ALDH18A1: variants seen among roughly 807,000 people sequenced by gnomAD.
ALDH18A1 encodes aldehyde dehydrogenase 18 family member A1.
In ALDH18A1, 44 loss-of-function variants were observed where a neutral mutation model predicts 88.8. The ratio of observed to expected loss-of-function variants is 0.50; its 90% CI spans 0.39 to 0.64. The LOEUF (loss-of-function observed/expected upper bound fraction) is 0.64. ALDH18A1 is among the 30% of genes least tolerant of loss of function. ALDH18A1 has a pLI of 0.00. For missense variants in ALDH18A1, 782 were observed against 1,009.5 expected (o/e 0.77, Z 3.05); for synonymous variants, 331 against 372.1 (o/e 0.89, Z 1.27).
At position 95,613,436 on chromosome 10, in the gene ALDH18A1, G is replaced by GA. The variant is rs201936822; in HGVS notation, c.1923+305_1923+306insT. The stretch of plus-strand genomic sequence containing the variant: ...AATAATATATGCTTGGGAACACCTT[G>GA]CATATATAAGGTTGCCAGAAACAGT... On this transcript the variant is annotated intron_variant, in intron 15 of 17. Coordinates refer to ENST00000371224, the MANE Select transcript of ALDH18A1 (RefSeq NM_002860.4). 0.42 allele frequency among the ~76,000 whole-genome samples: 63,832 copies of GA among 152,056 alleles called. 15,282 individuals are homozygous for GA. Among genetic ancestry groups the GA allele is most frequent in the Non-Finnish European group, 0.54 (36,488 of 67,920 alleles).
At position 95,627,449 on chromosome 10, in the gene ALDH18A1, C is replaced by T; in HGVS notation, c.1071G>A (p.Lys357=). 10 of 1,614,148 alleles carry T rather than the reference C, an allele frequency of 6.2e-6. No homozygotes were observed. Among genetic ancestry groups the T allele is most frequent in the Non-Finnish European group, 8.5e-6 (10 of 1,179,984 alleles). ...TTATGAAGAACTATTTACCTGCAGG[C>T]TTTACTTCTGAAAAGAAGGTACCAA... ...KKVGTFFSEV[K]PAGPTVEQQG... Residue 357 remains lysine, a synonymous_variant, in exon 9 of 18, where the codon AAG becomes AAA. Transcript: ENST00000371224.
chr10:95,637,487 C>T (rs747701470), intron 3 of ALDH18A1, 51 bp from the exon 4 acceptor site: 1 of 1,606,406 alleles, frequency 6.2e-7, no homozygotes, highest in Non-Finnish European at 8.5e-7. Context: ...CTGTCTCTTT[C>T]ATCTCTTCAC....
chr10:95,656,390 G>C (rs751982350), intron 1 of ALDH18A1: 3 of 113,536 alleles, frequency 2.6e-5, no homozygotes, highest in Non-Finnish European at 6.5e-5. Flanking sequence ...CGGTCTTGCA[G>C]CGCGCCCTGG....
chr10:95,651,096 A>G (rs1731905508), intron 2 of ALDH18A1, among the ~76,000 whole-genome samples: 1 of 152,064 alleles, frequency 6.6e-6, no homozygotes, highest in Non-Finnish European at 1.5e-5. Flanking sequence ...TTGCGCCACT[A>G]CACTCCAGCC....
At chr10:95,649,001 G>C (rs1192507310) in intron 2 of ALDH18A1, among the ~76,000 whole-genome samples, 2 of 152,190 alleles carry the variant, frequency 1.3e-5, no homozygotes, top group Non-Finnish European at 2.9e-5. Context: ...ATAGGAAAGA[G>C]ATTTTTCTGT....
intron 7 of ALDH18A1, among the ~76,000 whole-genome samples, chr10:95,630,164 G>A (rs901556132): frequency 1.3e-5 from 2 of 152,086 alleles, no homozygotes; most frequent in South Asian, 2.1e-4. Flanking sequence ...AGGCTGCAGT[G>A]CGGTGGCATG....
intron 8 of ALDH18A1, 137 bp from the exon 9 acceptor site, chr10:95,627,723 A>G (rs1289409004): frequency 1.6e-5 from 18 of 1,140,214 alleles, no homozygotes; most frequent in Non-Finnish European, 2.2e-5. Flanking sequence ...AAAGCTTAGA[A>G]GCTCTGAAAA....
chr10:95,637,456 A>AG lies in ALDH18A1; in HGVS notation c.304-21dup. 1 of 1,613,798 alleles carries AG rather than the reference A, an allele frequency of 6.2e-7. No individual in the cohort carries two copies. Among genetic ancestry groups the AG allele is most frequent in the Non-Finnish European group, 8.5e-7 (1 of 1,179,990 alleles). On this transcript the variant is annotated intron_variant, in intron 3 of 17. Transcript: ENST00000371224. ...TGATACCTGGGCATTGAGAAAGGAA[A>AG]GGGGACTGTAAGTTACCGTACTGTC... is the stretch of plus-strand genomic sequence containing the variant.
At chr10:95,653,172 A>C in intron 2 of ALDH18A1, 118 bp downstream of exon 2, 2 of 1,003,164 alleles carry the variant, frequency 2.0e-6, no homozygotes, top group Non-Finnish European at 3.1e-6. Flanking sequence ...TGTGTGACAA[A>C]ATGAGACCCT....
Position 95,651,224 on chromosome 10 carries a change from C to A in ALDH18A1, c.88+2066G>T, listed in dbSNP as rs528844776. Among the ~76,000 whole-genome samples the A allele has an allele frequency of 5.9e-5, 9 of 152,274 alleles. No individual in the cohort carries two copies. The South Asian group carries it at 1.7e-3, about 28-fold the overall frequency. On this transcript the variant is annotated intron_variant, in intron 2 of 17. Coordinates refer to ENST00000371224, the MANE Select transcript of ALDH18A1 (RefSeq NM_002860.4). The stretch of plus-strand genomic sequence containing the variant: ...AAACACATGAAAAGATGTTCAATAT[C>A]ATTAGCTATTAGGGAAAGGCACATT...
chr10:95,628,841 C>A, intron 7 of ALDH18A1: 1 of 336,832 alleles, frequency 3.0e-6, no homozygotes, highest in Non-Finnish European at 5.7e-6. Context: ...AAGGACAGAA[C>A]TGAAAAAGAA....
At chr10:95,652,866 T>A (rs1240666568) in intron 2 of ALDH18A1, among the ~76,000 whole-genome samples, 1 of 152,038 alleles carries the variant, frequency 6.6e-6, no homozygotes, top group Non-Finnish European at 1.5e-5. Context: ...CCAAATTACA[T>A]CTTTTTTTTC....
chr10:95,606,222 TA>T lies in ALDH18A1; in HGVS notation c.*539del. On this transcript the variant is annotated 3_prime_UTR_variant, in exon 18 of 18. Transcript: ENST00000371224. ...AATGCTTATTAATTTACCCCACAAA[TA>T]AATACAAAAGGTCAATCTTCCCAGT... 2.0e-6 allele frequency: 2 copies of T among 989,740 alleles called. No homozygotes were observed. Among genetic ancestry groups the T allele is most frequent in the Non-Finnish European group, 1.2e-6 (1 of 830,820 alleles). The allele number at this position is 989,740 out of a possible 1,614,324, so 61.3% of individuals were successfully genotyped here.
intron 2 of ALDH18A1, among the ~76,000 whole-genome samples, chr10:95,650,872 G>A: frequency 6.6e-6 from 1 of 152,152 alleles, no homozygotes; most frequent in East Asian, 1.9e-4. Flanking sequence ...GGAGGCTCAT[G>A]CCTATAATCC....
intron 7 of ALDH18A1, among the ~76,000 whole-genome samples, chr10:95,632,348 A>G (rs1216122637): frequency 6.6e-6 from 1 of 152,194 alleles, no homozygotes; most frequent in African/African-American, 2.4e-5. Flanking sequence ...ACTAAAAATC[A>G]CTGAATTGTA....
At chr10:95,643,749 GTTCT>G (rs373458100) in intron 2 of ALDH18A1, among the ~76,000 whole-genome samples, 46 of 151,860 alleles carry the variant, frequency 3.0e-4, no homozygotes, top group African/African-American at 4.8e-4. Context: ...TTTCTTCTTT[GTTCT>G]TTCTTAGATT....
At chr10:95,609,888 C>T (rs1411490726) in intron 17 of ALDH18A1, among the ~76,000 whole-genome samples, 4 of 151,440 alleles carry the variant, frequency 2.6e-5, no homozygotes, top group Middle Eastern at 3.4e-3. Context: ...CCTGCCTCAG[C>T]CTCCTGAGTA....
intron 3 of ALDH18A1, among the ~76,000 whole-genome samples, chr10:95,642,768 T>C (rs1365301714): frequency 3.3e-5 from 5 of 152,192 alleles, no homozygotes; most frequent in Non-Finnish European, 5.9e-5. Context: ...GTCTGAGACA[T>C]GAACTGCATG....
At chr10:95,625,256 A>G in intron 11 of ALDH18A1, 106 bp downstream of exon 11, 1 of 973,882 alleles carries the variant, frequency 1.0e-6, no homozygotes, top group Non-Finnish European at 1.7e-6. Context: ...AATTTCTTTT[A>G]TAAAAATCCT....
Sources: gnomAD v4.1 joint callset for allele counts (sites outside exome capture counted in the v4.1 genomes callset) on GRCh38, gnomAD v4.1.1 for gene constraint, MANE v1.5 for transcripts, NCBI Gene and HGNC (gene_info 2026-07-23, HGNC 2026-07-21) for gene names.